MECOM: variants seen among roughly 807,000 people sequenced by gnomAD.
MECOM encodes the protein MDS1 and EVI1 complex locus, also known as histone-lysine N-methyltransferase MECOM.
In MECOM, 13 loss-of-function variants were observed where a neutral mutation model predicts 116.3. The observed-to-expected ratio is 0.11, with a 90% CI of 0.07 to 0.18. MECOM has a LOEUF of 0.18. Ranked by LOEUF, MECOM falls within the 10% of genes least tolerant of loss-of-function variation. MECOM has a pLI of 1.00. For synonymous variants in MECOM, 528 were observed against 535.2 expected (o/e 0.99, Z 0.19); for missense variants, 1,299 against 1,509.0 (o/e 0.86, Z 2.31).
chr3:169,404,071 C>G (rs1736282877), intron 1 of MECOM, among the ~76,000 whole-genome samples: 1 of 152,148 alleles, frequency 6.6e-6, no homozygotes, highest in Non-Finnish European at 1.5e-5. Flanking sequence ...CCCAGTCTCA[C>G]AGAGGACTCT....
intron 1 of MECOM, among the ~76,000 whole-genome samples, chr3:169,563,280 G>T (rs1762864347): frequency 1.3e-5 from 2 of 152,112 alleles, no homozygotes; most frequent in Admixed American, 1.3e-4. Context: ...GGGTGAGCAG[G>T]TTCATAAAAC....
intron 2 of MECOM, among the ~76,000 whole-genome samples, chr3:169,267,501 G>A (rs754506639): frequency 1.3e-5 from 2 of 152,138 alleles, no homozygotes; most frequent in African/African-American, 4.8e-5. Context: ...GCCCTTACTT[G>A]CTTCTAGCTT....
At chr3:169,243,963 A>T (rs921240961) in intron 2 of MECOM, among the ~76,000 whole-genome samples, 1 of 152,236 alleles carries the variant, frequency 6.6e-6, no homozygotes, top group African/African-American at 2.4e-5. Flanking sequence ...GCCTTCTTCA[A>T]TTGCAGGGCT....
intron 2 of MECOM, chr3:169,149,687 G>A (rs933925879): frequency 8.3e-6 from 4 of 483,186 alleles, no homozygotes; most frequent in African/African-American, 7.8e-5. Flanking sequence ...CTATTCCTAC[G>A]TCTGAGCTTC....
At chr3:169,321,642 A>G (rs537212590) in intron 2 of MECOM, among the ~76,000 whole-genome samples, 2 of 152,202 alleles carry the variant, frequency 1.3e-5, no homozygotes, top group South Asian at 4.2e-4. Context: ...AGAGTTGGGC[A>G]GTGACTCTTC....
At chr3:169,320,484 T>C (rs918663973) in intron 2 of MECOM, among the ~76,000 whole-genome samples, 7 of 152,236 alleles carry the variant, frequency 4.6e-5, no homozygotes, top group African/African-American at 1.4e-4. Context: ...GAAACGGTAA[T>C]TAAAGACTAA....
intron 1 of MECOM, among the ~76,000 whole-genome samples, chr3:169,434,329 T>G (rs1742263617): frequency 6.6e-6 from 1 of 152,220 alleles, no homozygotes; most frequent in South Asian, 2.1e-4. Flanking sequence ...GCTACTCTCC[T>G]TGGGTGCCTA....
Position 169,093,739 on chromosome 3 carries a change from G to A in MECOM, c.3020-637C>T, listed in dbSNP as rs191354667. ...CTCACAATACCCGTATCACTGGATT[G>A]GTGTAAGGCTTACATAAACTTAAAC... On this transcript the variant is annotated intron_variant, in intron 13 of 16. Transcript: ENST00000651503. Among the ~76,000 whole-genome samples the A allele has an allele frequency of 1.9e-4, 29 of 152,250 alleles. No homozygotes were observed. In the East Asian group the frequency reaches 4.4e-3, roughly 23 times the overall value.
intron 2 of MECOM, among the ~76,000 whole-genome samples, chr3:169,242,292 C>A (rs1025743211): frequency 2.0e-5 from 3 of 152,156 alleles, no homozygotes; most frequent in Non-Finnish European, 4.4e-5. Flanking sequence ...GGACTGCCTG[C>A]GGCAATCAGT....
At position 169,180,987 on chromosome 3, in the gene MECOM, C is replaced by A. The variant is rs116057067; in HGVS notation, c.376-37155G>T. Among the ~76,000 whole-genome samples, 493 of 152,000 alleles carry A rather than the reference C, an allele frequency of 3.2e-3. 3 individuals are homozygous for A. The highest frequency in any genetic ancestry group is 0.011 in the African/African-American group (472 of 41,470). On this transcript the variant is annotated intron_variant, in intron 2 of 16. Transcript: ENST00000651503. ...GTGAAACTAATAAGAGTTATAATAACTGCTGTAACTTTGCTGAGCTCTTAC... is the reference window on the plus strand; with the variant it reads ...GTGAAACTAATAAGAGTTATAATAAATGCTGTAACTTTGCTGAGCTCTTAC...
At chr3:169,095,580 C>A (rs1178575442) in intron 12 of MECOM, among the ~76,000 whole-genome samples, 4 of 152,262 alleles carry the variant, frequency 2.6e-5, no homozygotes, top group Non-Finnish European at 5.9e-5. Flanking sequence ...GACAATACAA[C>A]TAATTTTTTT....
At chr3:169,444,005 T>C (rs1744189614) in intron 1 of MECOM, among the ~76,000 whole-genome samples, 1 of 152,370 alleles carries the variant, frequency 6.6e-6, no homozygotes, top group South Asian at 2.1e-4. Context: ...CACTCTTTCA[T>C]AAGTTTCTCG....
At chr3:169,286,217 C>G (rs1713282696) in intron 2 of MECOM, among the ~76,000 whole-genome samples, 2 of 152,134 alleles carry the variant, frequency 1.3e-5, no homozygotes, top group African/African-American at 2.4e-5. Flanking sequence ...GAACGTATTT[C>G]TTGAACTAAG....
chr3:169,473,052 T>C, intron 1 of MECOM: 14 of 704,084 alleles, frequency 2.0e-5, no homozygotes, highest in Non-Finnish European at 2.3e-5. Context: ...GTCATTAGCA[T>C]CCAACAGTCT....
rs933276691 is a variant in MECOM at position 169,592,966 on chromosome 3, A to G, written c.37+70370T>C. ...GTATGTTTATATATCTAAGACATAT[A>G]TGTATGTATAAAACATGAGATACAT... is the stretch of plus-strand genomic sequence containing the variant. On this transcript the variant is annotated intron_variant, in intron 1 of 16. Transcript: ENST00000651503. Among the ~76,000 whole-genome samples the G allele has an allele frequency of 2.0e-5, 3 of 152,250 alleles. No individual in the cohort carries two copies. In the South Asian group the frequency reaches 6.2e-4, roughly 31 times the overall value.
intron 1 of MECOM, among the ~76,000 whole-genome samples, chr3:169,556,642 T>A (rs572193959): frequency 9.5e-4 from 144 of 152,252 alleles, no homozygotes; most frequent in Non-Finnish European, 1.7e-3. Flanking sequence ...AGTGTCAGTG[T>A]GTGACCCAGA....
At chr3:169,160,235 C>T (rs1742642985) in intron 2 of MECOM, among the ~76,000 whole-genome samples, 1 of 151,766 alleles carries the variant, frequency 6.6e-6, no homozygotes, top group African/African-American at 2.4e-5. Flanking sequence ...GGTGTCTAAA[C>T]ACTAAGCCAG....
At chr3:169,401,893 C>T (rs1292332138) in intron 1 of MECOM, among the ~76,000 whole-genome samples, 1 of 152,252 alleles carries the variant, frequency 6.6e-6, no homozygotes. Context: ...AGGATTCATG[C>T]CATACCCTAG....
chr3:169,466,963 C>G (rs949456011), intron 1 of MECOM: 6 of 152,110 alleles, frequency 3.9e-5, no homozygotes, highest in African/African-American at 1.4e-4. Context: ...GGGTTCTCAA[C>G]AAATGTTGTT....
Sources: allele counts gnomAD v4.1 joint callset (sites outside exome capture counted in the v4.1 genomes callset), GRCh38; gene constraint gnomAD v4.1.1; transcripts MANE v1.5; gene names NCBI Gene and HGNC (gene_info 2026-07-23, HGNC 2026-07-21).